The following MRC2 variants were observed in gnomAD, a reference collection of about 807,000 sequenced individuals.
MRC2 encodes C-type mannose receptor 2.
Under a neutral mutation model 206.2 loss-of-function variants are expected in MRC2, and 84 were observed. That is an observed-to-expected ratio of 0.41 (90% confidence interval 0.34 to 0.49). The LOEUF is 0.49. Ranked by LOEUF, MRC2 falls within the 20% of genes least tolerant of loss-of-function variation. The pLI is 0.31. For synonymous variants in MRC2, 798 were observed against 800.0 expected, an observed-to-expected ratio of 1.00 and a Z score of 0.04; for missense variants, 1,676 against 2,001.5, an observed-to-expected ratio of 0.84 and a Z score of 3.10.
In MRC2 at chr17:62,644,194, G is replaced by A. The variant is rs145049114; in HGVS notation, c.118+16274G>A. On this transcript the variant is annotated intron_variant, in intron 1 of 29. Transcript: ENST00000303375. Reference sequence around the variant, plus strand: ...AGCACTTTGGGAGGCTGAGGTAAGTGGATCACTTGAGGTCGGGAGTTTGAG... The same window carrying A: ...AGCACTTTGGGAGGCTGAGGTAAGTAGATCACTTGAGGTCGGGAGTTTGAG... 5.9e-5 allele frequency among the ~76,000 whole-genome samples: 9 copies of A among 151,632 alleles called. No individual in the cohort carries two copies. In the East Asian group the frequency reaches 1.8e-3, roughly 30 times the overall value.
Position 62,681,078 on chromosome 17 carries a change from A to G in MRC2, c.2651A>G (p.Glu884Gly). ...CTTCTCCAGTTCTCCCGGGCCCAGG[A>G]GCAGCACTGGTGGATCGGCCTGCAC... Reference protein sequence around the residue: ...HNLQKFSRAQEQHWWIGLHTS... With the variant: ...HNLQKFSRAQGQHWWIGLHTS... Residue 884 changes from glutamate (E) to glycine (G), a missense_variant, in exon 18 of 30, where the codon GAG (glutamate) becomes GGG (glycine). Transcript: ENST00000303375. 6.2e-7 allele frequency: 1 copy of G among 1,613,564 alleles called. No homozygotes were observed. The highest frequency in any genetic ancestry group is 8.5e-7 in the Non-Finnish European group (1 of 1,179,992).
chr17:62,632,915 G>A (rs1003204494), intron 1 of MRC2, among the ~76,000 whole-genome samples: 1 of 152,176 alleles, frequency 6.6e-6, no homozygotes, highest in East Asian at 1.9e-4. Context: ...CCTTCCTCCT[G>A]TAGATGAGGC....
At chr17:62,669,560 C>T (rs939370284) in intron 6 of MRC2, among the ~76,000 whole-genome samples, 1 of 151,528 alleles carries the variant, frequency 6.6e-6, no homozygotes, top group East Asian at 1.9e-4. Context: ...AACAGAGTCT[C>T]GCTCTGTCGC....
rs2088953418 is a variant in MRC2, at chr17:62,680,708, T to TGGCTCTGCCCC, written c.2474-88_2474-78dup. 7.3e-7 allele frequency: 1 copy of TGGCTCTGCCCC among 1,379,250 alleles called. No homozygotes were observed. The highest frequency in any genetic ancestry group is 1.6e-5 in the South Asian group (1 of 61,820). The allele number at this position is 1,379,250 out of a possible 1,614,324, so 85.4% of individuals were successfully genotyped here. The stretch of plus-strand genomic sequence containing the variant: ...GCCTGCAGGCTCGCCTGCTGCCGCC[T>TGGCTCTGCCCC]GGCTCTGCCCCGGCCCTGCCGCGCC... On this transcript the variant is annotated intron_variant, in intron 16 of 29. Coordinates refer to ENST00000303375, the MANE Select transcript of MRC2 (RefSeq NM_006039.5). The surrounding 1 kb of genome is among the most constrained non-coding windows in gnomAD (Gnocchi z 4.8).
At chr17:62,674,874 C>A (rs948854754) in intron 9 of MRC2, among the ~76,000 whole-genome samples, 18 of 152,108 alleles carry the variant, frequency 1.2e-4, no homozygotes, top group Admixed American at 8.5e-4. Flanking sequence ...TTGGCCCCCC[C>A]CAGCAGCCCC....
chr17:62,665,997 C>A, intron 2 of MRC2, 97 bp from the exon 3 acceptor site: 2 of 1,283,846 alleles, frequency 1.6e-6, no homozygotes, highest in Non-Finnish European at 2.1e-6. Context: ...GAACACCCAG[C>A]ACTCTGGGTT....
At position 62,672,037 on chromosome 17, in the gene MRC2, T is replaced by C; in HGVS notation, c.1346T>C (p.Leu449Pro). ...TGGATCGGCCTCAACGATTTGAAAC[T>C]GCAGATGAATTTTGAGTGGTCTGAC... Reference protein sequence around the residue: ...ELWIGLNDLKLQMNFEWSDGS... With the variant: ...ELWIGLNDLKPQMNFEWSDGS... Residue 449 changes from leucine (L) to proline (P), a missense_variant, in exon 8 of 30, where the codon CTG becomes CCG. This residue lies in a region of MRC2 where 1,354 missense variants were observed against 1,636.6 expected (regional missense o/e 0.83). Transcript: ENST00000303375. This position sits in a 1 kb window ranked among gnomAD's most constrained non-coding sequence, Gnocchi z 4.5. The C allele has an allele frequency of 6.2e-7, 1 of 1,614,128 alleles. No homozygotes were observed. The highest frequency in any genetic ancestry group is 8.5e-7 in the Non-Finnish European group (1 of 1,180,034).
chr17:62,658,536 G>T (rs2088644279), intron 1 of MRC2, among the ~76,000 whole-genome samples: 1 of 152,178 alleles, frequency 6.6e-6, no homozygotes, highest in African/African-American at 2.4e-5. Flanking sequence ...CTGACCCTGG[G>T]AAAAGCCCCT....
At position 62,680,481 on chromosome 17, in the gene MRC2, C is replaced by A. The variant is rs754159112; in HGVS notation, c.2473+28C>A. On this transcript the variant is annotated intron_variant, in intron 16 of 29. Transcript: ENST00000303375. The surrounding 1 kb of genome is among the most constrained non-coding windows in gnomAD (Gnocchi z 4.8). Reference sequence around the variant, plus strand: ...GAGCACCCCCCAGCCCATCCCGCTACCCATCGCGTGGGAGAGGGCGTCAAC... The same window carrying A: ...GAGCACCCCCCAGCCCATCCCGCTAACCATCGCGTGGGAGAGGGCGTCAAC... 2.5e-6 allele frequency: 4 copies of A among 1,613,588 alleles called. No individual in the cohort carries two copies. The highest frequency in any genetic ancestry group is 3.3e-4 in the Middle Eastern group (2 of 6,058).
At position 62,667,621 on chromosome 17, in the gene MRC2, C is replaced by T. The variant is rs2088775000; in HGVS notation, c.1117+88C>T. The T allele has an allele frequency of 7.1e-7, 1 of 1,413,914 alleles. No individual in the cohort carries two copies. The highest frequency in any genetic ancestry group is 1.3e-5 in the South Asian group (1 of 75,030). The allele number at this position is 1,413,914 out of a possible 1,614,324, so 87.6% of individuals were successfully genotyped here. On this transcript the variant is annotated intron_variant, in intron 6 of 29. Coordinates refer to ENST00000303375, the MANE Select transcript of MRC2 (RefSeq NM_006039.5). This position sits in a 1 kb window ranked among gnomAD's most constrained non-coding sequence, Gnocchi z 4.1. ...AGCCGTGGCAGGCCCAGCCTCTCCTCCGGTTACCACCACAGCACAAGGGGA... is the reference window on the plus strand; with the variant it reads ...AGCCGTGGCAGGCCCAGCCTCTCCTTCGGTTACCACCACAGCACAAGGGGA...
At position 62,680,032 on chromosome 17, in the gene MRC2, A is replaced by G. The variant is rs534986741; in HGVS notation, c.2298+130A>G. ...CCCCAGTCGGAGCCGGCTTCAGGAA[A>G]GCAGGTCCGAGAGGGGTCACCCGGC... On this transcript the variant is annotated intron_variant, in intron 14 of 29. Coordinates refer to ENST00000303375, the MANE Select transcript of MRC2 (RefSeq NM_006039.5). This position sits in a 1 kb window ranked among gnomAD's most constrained non-coding sequence, Gnocchi z 4.8. The G allele has an allele frequency of 1.3e-5, 19 of 1,503,364 alleles. No homozygotes were observed. The African/African-American group carries it at 1.5e-4, about 12-fold the overall frequency. The allele number at this position is 1,503,364 out of a possible 1,614,324, so 93.1% of individuals were successfully genotyped here. A position where few individuals can be genotyped will look rare whatever the true frequency, so the allele number is the denominator to read the frequency against.
intron 1 of MRC2, among the ~76,000 whole-genome samples, chr17:62,640,209 C>T (rs941390440): frequency 2.6e-5 from 4 of 151,958 alleles, no homozygotes; most frequent in African/African-American, 9.7e-5. Flanking sequence ...GACTGTGAGA[C>T]AGTCTTACAA....
intron 23 of MRC2, 41 bp from the exon 24 acceptor site, chr17:62,689,481 G>A (rs910430821): frequency 1.5e-6 from 2 of 1,359,476 alleles, no homozygotes; most frequent in Non-Finnish European, 2.0e-6. Context: ...ACGGGGTGAG[G>A]GAAGCAGAGC....
rs996525597 is a variant in MRC2, at chr17:62,672,972, A to G, written c.1461+820A>G. Among the ~76,000 whole-genome samples, 2 of 149,288 alleles carry G rather than the reference A, an allele frequency of 1.3e-5. No homozygotes were observed. Among genetic ancestry groups the G allele is most frequent in the Non-Finnish European group, 3.0e-5 (2 of 67,562 alleles). On this transcript the variant is annotated intron_variant, in intron 8 of 29. Coordinates refer to ENST00000303375, the MANE Select transcript of MRC2 (RefSeq NM_006039.5). The surrounding 1 kb of genome is among the most constrained non-coding windows in gnomAD (Gnocchi z 4.5). ...GCACCACTGCACTCCAGCCTGGGTG[A>G]CAGAGCAAGACCCTGTCTCAAAAAA...
At chr17:62,668,106 C>T (rs8079582) in intron 6 of MRC2, among the ~76,000 whole-genome samples, 16,585 of 152,154 alleles carry the variant, frequency 0.11, 1,130 homozygotes, top group South Asian at 0.19. Context: ...CCTATAATCC[C>T]AGCACTTTGG....
intron 1 of MRC2, among the ~76,000 whole-genome samples, chr17:62,647,190 T>C (rs1256059669): frequency 1.3e-5 from 2 of 149,906 alleles, no homozygotes; most frequent in African/African-American, 2.4e-5. Flanking sequence ...CTTTTTCTTT[T>C]TTTTTTTTTT....
chr17:62,681,360 C>T (rs535306438), intron 18 of MRC2: 48 of 593,016 alleles, frequency 8.1e-5, no homozygotes, highest in African/African-American at 8.0e-4. Context: ...GAAGTGCTTA[C>T]GCAGCATCCA....
intron 20 of MRC2, chr17:62,684,025 T>C (rs968556537): frequency 6.6e-6 from 1 of 152,202 alleles, no homozygotes; most frequent in Non-Finnish European, 1.5e-5. Flanking sequence ...TTCATGAAAG[T>C]TGAAGGTTGT....
In MRC2 at chr17:62,672,394, C is replaced by T. The variant is rs1326659819; in HGVS notation, c.1461+242C>T. On this transcript the variant is annotated intron_variant, in intron 8 of 29. Transcript: ENST00000303375. The surrounding 1 kb of genome is among the most constrained non-coding windows in gnomAD (Gnocchi z 4.5). The stretch of plus-strand genomic sequence containing the variant: ...CCTTGGGCAAGTTACTAGAGGGTCA[C>T]TGGGGAGATCAGAGGAGTTAATTCT... 6.6e-6 allele frequency among the ~76,000 whole-genome samples: 1 copy of T among 152,176 alleles called. No individual in the cohort carries two copies. Among genetic ancestry groups the T allele is most frequent in the African/African-American group, 2.4e-5 (1 of 41,430 alleles).
Sources: gnomAD v4.1 joint callset for allele counts (sites outside exome capture counted in the v4.1 genomes callset) on GRCh38, gnomAD v4.1.1 for gene constraint, gnomAD v4.1.1 regional missense constraint, Gnocchi (gnomAD v3.1) non-coding constraint, MANE v1.5 for transcripts, NCBI Gene and HGNC (gene_info 2026-07-23, HGNC 2026-07-21) for gene names.